The following RNF150 variants were observed in gnomAD, a reference collection of about 807,000 sequenced individuals.
The protein encoded by RNF150 is ring finger protein 150.
RNF150 carries 24 observed loss-of-function variants against 39.3 expected under a neutral mutation model. The ratio of observed to expected loss-of-function variants is 0.61; its 90% CI spans 0.44 to 0.86. RNF150 has a LOEUF of 0.86. RNF150 is among the 40% of genes least tolerant of loss of function. The pLI is 0.00. For synonymous variants in RNF150, 255 were observed against 227.3 expected (o/e 1.12, Z -1.10); for missense variants, 502 against 587.8 (o/e 0.85, Z 1.51).
At chr4:141,087,798 G>A (rs1416563493) in intron 1 of RNF150, among the ~76,000 whole-genome samples, 2 of 152,118 alleles carry the variant, frequency 1.3e-5, no homozygotes, top group Non-Finnish European at 2.9e-5. Context: ...TGTAATGAGG[G>A]TAGTTACATC....
chr4:141,074,280 A>C (rs1376985934), intron 1 of RNF150, among the ~76,000 whole-genome samples: 2 of 151,628 alleles, frequency 1.3e-5, no homozygotes, highest in Admixed American at 6.6e-5. Context: ...GTTGTGTAGC[A>C]TTACCACGGA....
intron 1 of RNF150, among the ~76,000 whole-genome samples, chr4:141,159,634 C>G (rs1421704264): frequency 1.3e-5 from 2 of 152,136 alleles, no homozygotes; most frequent in Non-Finnish European, 2.9e-5. Flanking sequence ...CCTCCACCTT[C>G]TGGGCCCAAG....
At chr4:141,206,373 C>T (rs954698836) in intron 1 of RNF150, among the ~76,000 whole-genome samples, 5 of 143,556 alleles carry the variant, frequency 3.5e-5, no homozygotes, top group East Asian at 2.1e-4. Flanking sequence ...GAGCCAAGAT[C>T]GCAGCATTGC....
intron 1 of RNF150, among the ~76,000 whole-genome samples, chr4:140,989,392 A>T (rs956534263): frequency 1.3e-5 from 2 of 152,164 alleles, no homozygotes; most frequent in Admixed American, 6.6e-5. Flanking sequence ...GCTGCCACAG[A>T]CCACAGAGTA....
At chr4:140,916,942 A>C (rs1012443996) in intron 5 of RNF150, among the ~76,000 whole-genome samples, 2 of 152,184 alleles carry the variant, frequency 1.3e-5, no homozygotes, top group African/African-American at 2.4e-5. Context: ...CAGCCAAACT[A>C]AGCTTCATAA....
rs536893027 is a variant in RNF150, at chr4:140,919,259, G to A, written c.987+6718C>T. ...GGAAGTCAAATTGTCCCTGTTTGCA[G>A]ATGACATGATTGTATATCTAGAAAA... On this transcript the variant is annotated intron_variant, in intron 5 of 6. Transcript: ENST00000515673. Among the ~76,000 whole-genome samples, 28 of 144,450 alleles carry A rather than the reference G, an allele frequency of 1.9e-4. No individual in the cohort carries two copies. In the East Asian group the frequency reaches 5.7e-3, roughly 29 times the overall value. 94.8% of individuals were successfully genotyped at this position (144,450 alleles called of 152,430 possible).
At chr4:141,184,697 G>C (rs1339002165) in intron 1 of RNF150, among the ~76,000 whole-genome samples, 5 of 152,130 alleles carry the variant, frequency 3.3e-5, no homozygotes, top group Non-Finnish European at 7.4e-5. Context: ...GTAAGGAAGG[G>C]GTCCAGATTC....
In RNF150 at chr4:141,177,339, T is replaced by A. The variant is rs145374928; in HGVS notation, c.-6+35455A>T. Among the ~76,000 whole-genome samples, 374 of 152,316 alleles carry A rather than the reference T, an allele frequency of 2.5e-3. 3 individuals carry two copies. The highest frequency in any genetic ancestry group is 8.6e-3 in the African/African-American group (358 of 41,574). ...CTGATACATCCTAAGCCCAAGTTCA[T>A]GTTTCTACTGAGGATAGATGGGTTT... On this transcript the variant is annotated intron_variant, in intron 1 of 7. Coordinates refer to the RNF150 transcript ENST00000420921.
At chr4:140,891,847 T>C (rs1175397097) in intron 6 of RNF150, among the ~76,000 whole-genome samples, 2 of 152,130 alleles carry the variant, frequency 1.3e-5, no homozygotes, top group African/African-American at 4.8e-5. Flanking sequence ...TTGATTCTCA[T>C]AGGAGCAGGA....
intron 1 of RNF150, among the ~76,000 whole-genome samples, chr4:141,113,573 G>A (rs375136632): frequency 6.6e-6 from 1 of 152,096 alleles, no homozygotes; most frequent in African/African-American, 2.4e-5. Context: ...AATAGTGGGA[G>A]ACTTCAACAT....
chr4:141,202,412 T>A (rs1257755063), intron 1 of RNF150, among the ~76,000 whole-genome samples: 3 of 152,138 alleles, frequency 2.0e-5, no homozygotes, highest in African/African-American at 7.2e-5. Context: ...GTTTTAAACA[T>A]AACCAGAGTT....
intron 1 of RNF150, chr4:141,053,830 A>G (rs1038044773): frequency 7.3e-6 from 4 of 546,004 alleles, no homozygotes; most frequent in Non-Finnish European, 8.5e-6. Context: ...CTCTCTTTCC[A>G]AAAGATATGG....
Position 140,911,096 on chromosome 4 carries a change from A to C in RNF150, c.1198+48T>G, listed in dbSNP as rs1430620913. 4 of 1,474,628 alleles carry C rather than the reference A, an allele frequency of 2.7e-6. No individual in the cohort carries two copies. In the Admixed American group the frequency reaches 5.3e-5, roughly 20 times the overall value. The allele number at this position is 1,474,628 out of a possible 1,614,324, so 91.3% of individuals were successfully genotyped here. On this transcript the variant is annotated intron_variant, in intron 6 of 6. Coordinates refer to ENST00000515673, the MANE Select transcript of RNF150 (RefSeq NM_020724.2). ...AAGGTATTTTTTTCCAATTCCTACAAGGCAACAGTCCTTCTGGCTATGTCA... is the reference window on the plus strand; with the variant it reads ...AAGGTATTTTTTTCCAATTCCTACACGGCAACAGTCCTTCTGGCTATGTCA...
intron 1 of RNF150, among the ~76,000 whole-genome samples, chr4:141,186,746 CTTCTT>C (rs921084532): frequency 6.6e-6 from 1 of 152,066 alleles, no homozygotes; most frequent in Non-Finnish European, 1.5e-5. Context: ...TCTTCTCTCT[CTTCTT>C]TTTAGTCTGG....
intron 1 of RNF150, among the ~76,000 whole-genome samples, chr4:141,162,744 C>A (rs1727537299): frequency 6.6e-6 from 1 of 152,128 alleles, no homozygotes; most frequent in Admixed American, 6.5e-5. Flanking sequence ...GCATGAGGGA[C>A]TGTGCCATGA....
chr4:141,022,780 T>C (rs990666194), intron 1 of RNF150, among the ~76,000 whole-genome samples: 2 of 152,334 alleles, frequency 1.3e-5, no homozygotes, highest in African/African-American at 4.8e-5. Context: ...TGCATATATG[T>C]CATGTCCAAA....
chr4:140,947,825 G>T, intron 3 of RNF150, 89 bp from the exon 4 acceptor site: 1 of 828,330 alleles, frequency 1.2e-6, no homozygotes, highest in East Asian at 3.0e-5. Flanking sequence ...GAGCTTGCCT[G>T]GAGCAAAGCT....
intron 1 of RNF150, among the ~76,000 whole-genome samples, chr4:141,183,288 T>C (rs1727942819): frequency 6.6e-6 from 1 of 152,030 alleles, no homozygotes; most frequent in South Asian, 2.1e-4. Context: ...GTTGACTCAG[T>C]AGGTATGGTA....
At chr4:141,042,850 A>T (rs544385235) in intron 1 of RNF150, among the ~76,000 whole-genome samples, 3 of 152,192 alleles carry the variant, frequency 2.0e-5, no homozygotes, top group Admixed American at 2.0e-4. Flanking sequence ...ATGCACACAC[A>T]TAAAGACCTT....
Sources: gnomAD v4.1 joint callset for allele counts (sites outside exome capture counted in the v4.1 genomes callset) on GRCh38, gnomAD v4.1.1 for gene constraint, MANE v1.5 for transcripts, NCBI Gene and HGNC (gene_info 2026-07-23, HGNC 2026-07-21) for gene names.